The following LMNB1 variants were observed in gnomAD, a reference collection of about 807,000 sequenced individuals.
The protein encoded by LMNB1 is lamin-B1.
LMNB1 carries 23 observed loss-of-function variants against 67.1 expected under a neutral mutation model. The ratio of observed to expected loss-of-function variants is 0.34; its 90% CI spans 0.25 to 0.49. LMNB1 has a LOEUF of 0.49. Among genes scored for constraint, LMNB1 ranks in the 20% least tolerant of loss-of-function variants. The pLI, the probability that LMNB1 is intolerant of heterozygous loss-of-function variation, is 0.99. For synonymous variants in LMNB1, 281 were observed against 282.9 expected, an observed-to-expected ratio of 0.99 and a Z score of 0.07; for missense variants, 634 against 746.5, an observed-to-expected ratio of 0.85 and a Z score of 1.76.
intron 3 of LMNB1, among the ~76,000 whole-genome samples, chr5:126,807,179 G>A (rs1277407359): frequency 6.6e-6 from 1 of 152,186 alleles, no homozygotes; most frequent in Admixed American, 6.5e-5. Context: ...TAAAATTGAG[G>A]AAAGGGGAAT....
At chr5:126,804,265 T>A (rs1751360040) in intron 1 of LMNB1, among the ~76,000 whole-genome samples, 1 of 133,262 alleles carries the variant, frequency 7.5e-6, no homozygotes, top group South Asian at 2.5e-4. Flanking sequence ...TTTTGTAGAT[T>A]TGGGGTCTTG....
chr5:126,803,395 G>A lies in LMNB1; in HGVS notation c.360-1381G>A, dbSNP rs961422774. 8.0e-5 allele frequency among the ~76,000 whole-genome samples: 12 copies of A among 149,096 alleles called. No individual in the cohort carries two copies. In the South Asian group the frequency reaches 8.5e-4, roughly 11 times the overall value. ...TGAGTAGCTGGGATTACAGGCATGCGCCTCCATGCCTGGATAATTTTTTTG... is the reference window on the plus strand; with the variant it reads ...TGAGTAGCTGGGATTACAGGCATGCACCTCCATGCCTGGATAATTTTTTTG... On this transcript the variant is annotated intron_variant, in intron 1 of 10. Transcript: ENST00000261366.
At chr5:126,781,213 C>G (rs1414097326) in intron 1 of LMNB1, among the ~76,000 whole-genome samples, 1 of 152,194 alleles carries the variant, frequency 6.6e-6, no homozygotes, top group East Asian at 1.9e-4. Context: ...TTGCTTGAAC[C>G]GGGGAGGCGG....
intron 1 of LMNB1, among the ~76,000 whole-genome samples, chr5:126,787,536 ATATATATATATTTTT>A (rs1561735713): frequency 1.2e-5 from 1 of 84,044 alleles, no homozygotes; most frequent in African/African-American, 4.6e-5. Context: ...ATATATATAT[ATATATATATATTTTT>A]TTTTTTTTTT....
intron 6 of LMNB1, among the ~76,000 whole-genome samples, chr5:126,819,625 G>A (rs1242367428): frequency 6.6e-6 from 1 of 151,708 alleles, no homozygotes; most frequent in African/African-American, 2.4e-5. Context: ...TGAGTAACTG[G>A]GATTACAGGC....
At chr5:126,822,602 T>A (rs1230115160) in intron 7 of LMNB1, among the ~76,000 whole-genome samples, 179 bp from the exon 8 acceptor site, 1 of 152,244 alleles carries the variant, frequency 6.6e-6, no homozygotes, top group Non-Finnish European at 1.5e-5. Flanking sequence ...ATTGTTGAAG[T>A]TACTGTTTGA....
chr5:126,806,788 T>G (rs1245976246), intron 3 of LMNB1, among the ~76,000 whole-genome samples: 1 of 151,978 alleles, frequency 6.6e-6, no homozygotes, highest in Admixed American at 6.6e-5. Flanking sequence ...TAAATTTTTT[T>G]TTTTTTGAGA....
At chr5:126,836,163 T>G in intron 10 of LMNB1, 60 bp from the exon 11 acceptor site, 1 of 1,345,746 alleles carries the variant, frequency 7.4e-7, no homozygotes, top group Non-Finnish European at 1.1e-6. Context: ...TTTTGTCTTA[T>G]TTTAGAATAC....
chr5:126,806,050 G>A (rs1751412976), intron 3 of LMNB1, among the ~76,000 whole-genome samples: 1 of 152,198 alleles, frequency 6.6e-6, no homozygotes, highest in Non-Finnish European at 1.5e-5. Flanking sequence ...TGCCTCCTGG[G>A]TTCAAGCAGT....
intron 9 of LMNB1, among the ~76,000 whole-genome samples, chr5:126,829,161 C>T (rs1298351029): frequency 6.6e-6 from 1 of 151,308 alleles, no homozygotes; most frequent in African/African-American, 2.4e-5. Flanking sequence ...CTTGCTGGGG[C>T]ATTGGAAATG....
chr5:126,831,902 A>T (rs1752142566), intron 9 of LMNB1, among the ~76,000 whole-genome samples: 2 of 152,242 alleles, frequency 1.3e-5, no homozygotes, highest in Non-Finnish European at 2.9e-5. Context: ...GCTACTAATT[A>T]TGCGGAAATT....
At chr5:126,805,012 T>G (rs1751383870) in intron 2 of LMNB1, 80 bp downstream of exon 2, 6 of 1,190,038 alleles carry the variant, frequency 5.0e-6, no homozygotes, top group Non-Finnish European at 7.0e-6. Flanking sequence ...GATTGATTGA[T>G]TGATTTTCAA....
intron 1 of LMNB1, among the ~76,000 whole-genome samples, chr5:126,803,998 G>C (rs530589295): frequency 6.8e-6 from 1 of 146,942 alleles, no homozygotes; most frequent in Admixed American, 6.6e-5. Flanking sequence ...ACTAATATCA[G>C]GGGAGTTTCA....
chr5:126,782,030 G>C (rs72798246), intron 1 of LMNB1, among the ~76,000 whole-genome samples: 8,409 of 152,218 alleles, frequency 0.055, 261 homozygotes, highest in Middle Eastern at 0.092. Context: ...TTTGCTGAAA[G>C]CTTTTTTGAG....
At chr5:126,791,597 A>G (rs1235568254) in intron 1 of LMNB1, among the ~76,000 whole-genome samples, 1 of 150,668 alleles carries the variant, frequency 6.6e-6, no homozygotes, top group African/African-American at 2.5e-5. Flanking sequence ...AGTTGGGACT[A>G]CTACTGGAGT....
chr5:126,833,114 G>C (rs1752172687), intron 10 of LMNB1, among the ~76,000 whole-genome samples: 1 of 152,130 alleles, frequency 6.6e-6, no homozygotes, highest in Admixed American at 6.5e-5. Flanking sequence ...TGTTTACTCT[G>C]TAGGGTCCTA....
chr5:126,796,127 T>A (rs911881780), intron 1 of LMNB1, among the ~76,000 whole-genome samples: 4 of 151,478 alleles, frequency 2.6e-5, no homozygotes, highest in Non-Finnish European at 5.9e-5. Flanking sequence ...AGACAGGGTT[T>A]CTCTGTGTTG....
chr5:126,835,904 G>C (rs551776115), intron 10 of LMNB1, among the ~76,000 whole-genome samples: 4 of 152,162 alleles, frequency 2.6e-5, no homozygotes, highest in African/African-American at 7.2e-5. Flanking sequence ...CCTGGCTAAC[G>C]TGGTGGTGAT....
At chr5:126,778,285 A>T (rs1188717748) in intron 1 of LMNB1, among the ~76,000 whole-genome samples, 1 of 151,992 alleles carries the variant, frequency 6.6e-6, no homozygotes, top group Non-Finnish European at 1.5e-5. Flanking sequence ...GGCGCGAGAC[A>T]AAGCGTCTAG....
Sources: allele counts gnomAD v4.1 joint callset (sites outside exome capture counted in the v4.1 genomes callset), GRCh38; gene constraint gnomAD v4.1.1; transcripts MANE v1.5; gene names NCBI Gene and HGNC (gene_info 2026-07-23, HGNC 2026-07-21).